The following CADM2 variants were observed in gnomAD, a reference collection of about 807,000 sequenced individuals.
CADM2 encodes the protein cell adhesion molecule 2, also known as immunoglobulin superfamily member 4D.
CADM2 carries 12 observed loss-of-function variants against 49.8 expected under a neutral mutation model. The ratio of observed to expected loss-of-function variants is 0.24; its 90% confidence interval spans 0.15 to 0.39. CADM2 has a LOEUF of 0.39. Among genes scored for constraint, CADM2 ranks in the 10% least tolerant of loss-of-function variants. The pLI, the probability that CADM2 is intolerant of heterozygous loss-of-function variation, is 1.00. For missense variants in CADM2, 378 were observed against 492.3 expected, an observed-to-expected ratio of 0.77 and a Z score of 2.20; for synonymous variants, 214 against 175.4, an observed-to-expected ratio of 1.22 and a Z score of -1.74.
At chr3:85,345,749 G>A (rs1245517271) in intron 1 of CADM2, among the ~76,000 whole-genome samples, 1 of 152,154 alleles carries the variant, frequency 6.6e-6, no homozygotes, top group Non-Finnish European at 1.5e-5. Context: ...TGGACTATTG[G>A]AAGAACTTAA....
chr3:85,150,492 A>G (rs917924155), intron 1 of CADM2, among the ~76,000 whole-genome samples: 7 of 152,320 alleles, frequency 4.6e-5, no homozygotes, highest in African/African-American at 1.7e-4. Context: ...AATGAAGACC[A>G]AATTCTTTAT....
At chr3:85,734,689 TAA>T (rs1491139032) in intron 2 of CADM2, among the ~76,000 whole-genome samples, 8 of 147,760 alleles carry the variant, frequency 5.4e-5, no homozygotes, top group African/African-American at 2.0e-4. Context: ...ATTTTAAATA[TAA>T]TATATATATT....
At chr3:85,594,301 T>C (rs1016498971) in intron 1 of CADM2, among the ~76,000 whole-genome samples, 5 of 151,900 alleles carry the variant, frequency 3.3e-5, no homozygotes, top group African/African-American at 1.2e-4. Flanking sequence ...TGAATGAAAT[T>C]AGGGTTAATA....
In CADM2 at chr3:85,694,196, G is replaced by A. The variant is rs141171327; in HGVS notation, c.62-32326G>A. Among the ~76,000 whole-genome samples the A allele has an allele frequency of 4.9e-3, 744 of 152,306 alleles. 6 individuals are homozygous for A. Among genetic ancestry groups the A allele is most frequent in the African/African-American group, 0.017 (718 of 41,572 alleles). On this transcript the variant is annotated intron_variant, in intron 1 of 9. Coordinates refer to ENST00000383699, the MANE Select transcript of CADM2 (RefSeq NM_001167675.2). ...AAATACAACAAACAAGTAAGTGTGT[G>A]TTAACAGACTGAATTCTACCCCTAC...
At chr3:85,874,315 T>G (rs2108362414) in intron 3 of CADM2, among the ~76,000 whole-genome samples, 1 of 152,308 alleles carries the variant, frequency 6.6e-6, no homozygotes, top group South Asian at 2.1e-4. Context: ...AACTGAAGGC[T>G]TTCACAGAAT....
intron 8 of CADM2, chr3:85,979,369 T>A: frequency 2.1e-6 from 3 of 1,450,458 alleles, no homozygotes; most frequent in Non-Finnish European, 2.8e-6. Flanking sequence ...AACATTGAGA[T>A]TCAATTTTAC....
rs182309141 is a variant in CADM2, at chr3:85,836,232, T to A, written c.238+34036T>A. The stretch of plus-strand genomic sequence containing the variant: ...CAGTAACTTGCTAGTGAAGTGCTTT[T>A]TCTTAGTGTAGTGAGCTGAGAAGAG... On this transcript the variant is annotated intron_variant, in intron 3 of 9. Transcript: ENST00000383699. Among the ~76,000 whole-genome samples, 4 of 151,734 alleles carry A rather than the reference T, an allele frequency of 2.6e-5. No homozygotes were observed. The East Asian group carries it at 7.8e-4, about 30-fold the overall frequency.
intron 1 of CADM2, among the ~76,000 whole-genome samples, chr3:85,429,941 C>G (rs757395654): frequency 9.9e-5 from 15 of 152,094 alleles, no homozygotes; most frequent in Non-Finnish European, 4.4e-5. Flanking sequence ...TAGAAAAAGT[C>G]TGCTGAGTTC....
chr3:85,153,132 G>A (rs1193142031), intron 1 of CADM2, among the ~76,000 whole-genome samples: 5 of 152,174 alleles, frequency 3.3e-5, no homozygotes, highest in East Asian at 1.9e-4. Context: ...CAGCGTGAGC[G>A]ACGCAGAAGA....
chr3:85,254,513 A>G (rs1417730095), intron 1 of CADM2, among the ~76,000 whole-genome samples: 11 of 152,024 alleles, frequency 7.2e-5, no homozygotes. Flanking sequence ...ACCTGCTCTC[A>G]TCCTGAAGCT....
intron 1 of CADM2, among the ~76,000 whole-genome samples, chr3:85,354,087 T>C (rs1171423898): frequency 6.6e-6 from 1 of 151,942 alleles, no homozygotes; most frequent in Non-Finnish European, 1.5e-5. Context: ...ATGACAACTT[T>C]TAAAATATAC....
intron 8 of CADM2, among the ~76,000 whole-genome samples, chr3:85,962,030 G>A (rs1724890204): frequency 6.6e-6 from 1 of 151,636 alleles, no homozygotes; most frequent in Non-Finnish European, 1.5e-5. Context: ...TCCACCTCCC[G>A]GGTTCAAGCA....
intron 1 of CADM2, among the ~76,000 whole-genome samples, chr3:85,458,170 T>A (rs1411655756): frequency 2.0e-5 from 3 of 152,190 alleles, no homozygotes; most frequent in Non-Finnish European, 1.5e-5. Flanking sequence ...CTGCTTTGTA[T>A]CTTGTGGCCA....
chr3:85,810,191 A>T (rs2072762732), intron 3 of CADM2, among the ~76,000 whole-genome samples: 1 of 152,082 alleles, frequency 6.6e-6, no homozygotes, highest in Non-Finnish European at 1.5e-5. Context: ...CTGAGAAGGG[A>T]TAGATGTATG....
chr3:86,006,655 C>A (rs976472214), intron 8 of CADM2, among the ~76,000 whole-genome samples: 3 of 152,162 alleles, frequency 2.0e-5, no homozygotes, highest in African/African-American at 7.2e-5. Flanking sequence ...ACTACTTTGA[C>A]CTCCTTAGAG....
At chr3:85,494,872 A>G (rs919357360) in intron 1 of CADM2, among the ~76,000 whole-genome samples, 2 of 152,150 alleles carry the variant, frequency 1.3e-5, no homozygotes, top group South Asian at 4.1e-4. Context: ...GTCTATGCTG[A>G]TGTCACAATG....
chr3:85,442,547 A>G (rs999270102), intron 1 of CADM2, among the ~76,000 whole-genome samples: 4 of 148,264 alleles, frequency 2.7e-5, no homozygotes, highest in Non-Finnish European at 5.9e-5. Context: ...AAAATTTAAA[A>G]TAAAAGTCCA....
chr3:85,682,465 T>C (rs1411228758), intron 1 of CADM2, among the ~76,000 whole-genome samples: 1 of 152,074 alleles, frequency 6.6e-6, no homozygotes, highest in East Asian at 1.9e-4. Context: ...TAAAAGAAGC[T>C]AGTTTCAGAT....
chr3:85,691,561 G>A (rs569945108), intron 1 of CADM2, among the ~76,000 whole-genome samples: 5 of 152,146 alleles, frequency 3.3e-5, no homozygotes, highest in Middle Eastern at 6.3e-3. Context: ...GTGGAAGTCA[G>A]TGTGGCCATT....
Sources: gnomAD v4.1 joint callset for allele counts (sites outside exome capture counted in the v4.1 genomes callset) on GRCh38, gnomAD v4.1.1 for gene constraint, MANE v1.5 for transcripts, NCBI Gene and HGNC (gene_info 2026-07-23, HGNC 2026-07-21) for gene names.